The following KDM4C variants were observed in gnomAD, a reference collection of about 807,000 sequenced individuals.
KDM4C encodes lysine-specific demethylase 4C.
Under a neutral mutation model 129.3 loss-of-function variants are expected in KDM4C, and 81 were observed. The ratio of observed to expected loss-of-function variants is 0.63; its 90% CI spans 0.52 to 0.75. The LOEUF is 0.75. Among genes scored for constraint, KDM4C ranks in the 30% least tolerant of loss-of-function variants. The pLI, the probability that KDM4C is intolerant of heterozygous loss-of-function variation, is 0.00. For missense variants in KDM4C, 1,457 were observed against 1,304.0 expected (o/e 1.12, Z -1.81); for synonymous variants, 573 against 456.1 (o/e 1.26, Z -3.26).
At chr9:7,088,242 A>G (rs770402254) in intron 17 of KDM4C, among the ~76,000 whole-genome samples, 16 of 152,226 alleles carry the variant, frequency 1.1e-4, no homozygotes, top group Non-Finnish European at 1.9e-4. Context: ...CATGGGGCCA[A>G]AAGTACTCGT....
intron 5 of KDM4C, among the ~76,000 whole-genome samples, chr9:6,870,666 C>T (rs554267145): frequency 2.0e-5 from 3 of 151,966 alleles, no homozygotes; most frequent in Admixed American, 6.6e-5. Context: ...CAAGCTTATG[C>T]GAGGAATGGG....
chr9:7,015,677 T>C (rs1371701562), intron 14 of KDM4C, among the ~76,000 whole-genome samples, 176 bp from the exon 15 acceptor site: 1 of 152,196 alleles, frequency 6.6e-6, no homozygotes, highest in East Asian at 1.9e-4. Flanking sequence ...ACTGTAACTG[T>C]TGTGTTAGTT....
chr9:6,959,190 A>G (rs1000271173), intron 8 of KDM4C, among the ~76,000 whole-genome samples: 14 of 152,224 alleles, frequency 9.2e-5, no homozygotes, highest in African/African-American at 2.9e-4. Flanking sequence ...GAAGAGGAGC[A>G]CTAGAGAGCC....
chr9:6,995,763 C>T (rs1288865812), intron 12 of KDM4C, among the ~76,000 whole-genome samples: 1 of 152,120 alleles, frequency 6.6e-6, no homozygotes, highest in Non-Finnish European at 1.5e-5. Context: ...GCTCTGCCTG[C>T]TGGGTTCACA....
At chr9:7,055,340 A>G (rs1169355926) in intron 17 of KDM4C, among the ~76,000 whole-genome samples, 1 of 152,222 alleles carries the variant, frequency 6.6e-6, no homozygotes, top group Non-Finnish European at 1.5e-5. Context: ...GGAGAAATGA[A>G]TTTTGGAATA....
At chr9:7,118,310 T>A (rs1019049397) in intron 18 of KDM4C, among the ~76,000 whole-genome samples, 10 of 152,200 alleles carry the variant, frequency 6.6e-5, no homozygotes, top group African/African-American at 2.4e-4. Context: ...ATTAAATACT[T>A]GTGACGTTTT....
At chr9:6,744,647 G>C (rs949403991) in intron 1 of KDM4C, among the ~76,000 whole-genome samples, 7 of 152,146 alleles carry the variant, frequency 4.6e-5, no homozygotes, top group African/African-American at 1.4e-4. Flanking sequence ...CCTCCTTCTT[G>C]GCCTCCCAAT....
rs58881523 is a variant in KDM4C, at chr9:6,856,171, C to CA, written c.629+6484dup. 6.1e-3 allele frequency among the ~76,000 whole-genome samples: 869 copies of CA among 142,960 alleles called. 10 individuals carry two copies. Among genetic ancestry groups the CA allele is most frequent in the African/African-American group, 0.015 (575 of 39,374 alleles). The allele number at this position is 142,960 out of a possible 152,430, so 93.8% of individuals were successfully genotyped here. A position where few individuals can be genotyped will look rare whatever the true frequency, so the allele number is the denominator to read the frequency against. ...CTGAAGGAACTCTTTATTTGAAGAT[C>CA]AAAAAAAAAAAAATCTAAGAACATT... is the stretch of plus-strand genomic sequence containing the variant. On this transcript the variant is annotated intron_variant, in intron 5 of 21. Transcript: ENST00000381309.
intron 8 of KDM4C, among the ~76,000 whole-genome samples, chr9:6,899,567 G>GTGTGTGTGTGTGTT (rs1554633840): frequency 6.6e-6 from 1 of 151,876 alleles, no homozygotes; most frequent in African/African-American, 2.4e-5. Flanking sequence ...GTGTGTGTGT[G>GTGTGTGTGTGTGTT]TGTTTAACTT....
chr9:6,784,461 A>T (rs1221079774), intron 1 of KDM4C, among the ~76,000 whole-genome samples: 2 of 152,020 alleles, frequency 1.3e-5, no homozygotes, highest in Non-Finnish European at 2.9e-5. Context: ...TGAACTCCTG[A>T]CCTCCAGTGG....
At chr9:6,975,605 ACT>A (rs1296713506) in intron 8 of KDM4C, among the ~76,000 whole-genome samples, 1 of 152,062 alleles carries the variant, frequency 6.6e-6, no homozygotes, top group African/African-American at 2.4e-5. Context: ...TTTTTAAGGG[ACT>A]CTTATTCTCT....
chr9:7,025,747 G>A (rs1825702094), intron 15 of KDM4C, among the ~76,000 whole-genome samples: 1 of 151,950 alleles, frequency 6.6e-6, no homozygotes, highest in Non-Finnish European at 1.5e-5. Flanking sequence ...TATTAGTTTT[G>A]GTTGGTTCAT....
chr9:7,100,314 T>C (rs1294238621), intron 17 of KDM4C, among the ~76,000 whole-genome samples: 1 of 152,174 alleles, frequency 6.6e-6, no homozygotes, highest in Non-Finnish European at 1.5e-5. Flanking sequence ...ACAGTAGTGT[T>C]TATCAAATCT....
At chr9:7,105,209 A>G (rs930996211) in intron 18 of KDM4C, among the ~76,000 whole-genome samples, 4 of 152,226 alleles carry the variant, frequency 2.6e-5, no homozygotes, top group Non-Finnish European at 5.9e-5. Context: ...CAATAGGATT[A>G]CCTCATTAGA....
At chr9:6,877,497 G>T (rs993687229) in intron 5 of KDM4C, among the ~76,000 whole-genome samples, 1 of 152,192 alleles carries the variant, frequency 6.6e-6, no homozygotes, top group Non-Finnish European at 1.5e-5. Context: ...ACCACACCTG[G>T]CCTAACAAGA....
At chr9:7,129,017 A>G (rs1457888739) in intron 19 of KDM4C, among the ~76,000 whole-genome samples, 1 of 151,890 alleles carries the variant, frequency 6.6e-6, no homozygotes, top group East Asian at 1.9e-4. Flanking sequence ...CTGAGAGGAG[A>G]GTGAGTTAGT....
intron 19 of KDM4C, among the ~76,000 whole-genome samples, chr9:7,135,195 A>G (rs1313906721): frequency 6.6e-6 from 1 of 152,170 alleles, no homozygotes; most frequent in Non-Finnish European, 1.5e-5. Flanking sequence ...CGTTGCCCTG[A>G]TGTCCCATGC....
At chr9:6,918,526 G>T (rs1820746629) in intron 8 of KDM4C, among the ~76,000 whole-genome samples, 1 of 152,104 alleles carries the variant, frequency 6.6e-6, no homozygotes, top group African/African-American at 2.4e-5. Context: ...TTTCTTTTGG[G>T]TATATACCCA....
At chr9:6,958,854 T>G (rs1829557262) in intron 8 of KDM4C, among the ~76,000 whole-genome samples, 1 of 152,014 alleles carries the variant, frequency 6.6e-6, no homozygotes, top group African/African-American at 2.4e-5. Flanking sequence ...TTTTCATAGA[T>G]GCAAGCTGGT....
Sources: gnomAD v4.1 joint callset for allele counts (sites outside exome capture counted in the v4.1 genomes callset) on GRCh38, gnomAD v4.1.1 for gene constraint, MANE v1.5 for transcripts, NCBI Gene and HGNC (gene_info 2026-07-23, HGNC 2026-07-21) for gene names.